The following BLTP3B variants were observed in gnomAD, a reference collection of about 807,000 sequenced individuals.
BLTP3B encodes bridge-like lipid transfer protein family member 3B, also known as UHRF1 (ICBP90) binding protein 1-like.
At chr12:100,102,175 T>A in the BLTP3B span, among the ~76,000 whole-genome samples, 2 of 141,858 alleles carry the variant, frequency 1.4e-5, no homozygotes, top group Middle Eastern at 4.3e-3. Context: ...AATGGCGCGA[T>A]CTTGGCTCAC....
At chr12:100,094,003 C>A in the BLTP3B span, among the ~76,000 whole-genome samples, 2 of 152,144 alleles carry the variant, frequency 1.3e-5, no homozygotes, top group Non-Finnish European at 2.9e-5. Flanking sequence ...CTTTCCACAC[C>A]CTGCAAGCAA....
At chr12:100,039,477 C>T in the BLTP3B span, 29 of 1,073,420 alleles carry the variant, frequency 2.7e-5, no homozygotes, top group Non-Finnish European at 3.7e-5. Flanking sequence ...AGCACCTGGG[C>T]ACAATAACAA....
chr12:100,071,991 C>T, the BLTP3B span, among the ~76,000 whole-genome samples: 94 of 152,288 alleles, frequency 6.2e-4, no homozygotes, highest in African/African-American at 2.0e-3. Flanking sequence ...CTGGACATGG[C>T]GGCTCATGCC....
chr12:100,111,132 A>G, the BLTP3B span, among the ~76,000 whole-genome samples: 1 of 152,186 alleles, frequency 6.6e-6, no homozygotes, highest in South Asian at 2.1e-4. Context: ...CATATCAAGT[A>G]ATATATGTTG....
At chr12:100,075,653 A>C in the BLTP3B span, among the ~76,000 whole-genome samples, 2 of 152,142 alleles carry the variant, frequency 1.3e-5, no homozygotes, top group Non-Finnish European at 2.9e-5. Context: ...AAAACCAAAC[A>C]CCATTAAAAA....
chr12:100,111,225 TA>T, the BLTP3B span, among the ~76,000 whole-genome samples: 3 of 151,038 alleles, frequency 2.0e-5, no homozygotes, highest in Non-Finnish European at 4.4e-5. Context: ...TTCAAGTATG[TA>T]AAAAATGCAT....
At chr12:100,068,546 T>C in the BLTP3B span, among the ~76,000 whole-genome samples, 2 of 151,962 alleles carry the variant, frequency 1.3e-5, no homozygotes, top group African/African-American at 4.8e-5. Flanking sequence ...GTTAGAAGAG[T>C]AAACAGACAA....
chr12:100,045,626 G>A, the BLTP3B span, among the ~76,000 whole-genome samples: 166 of 152,138 alleles, frequency 1.1e-3, 1 homozygote, highest in African/African-American at 3.8e-3. Flanking sequence ...ATAAAAACCC[G>A]ATTAGAAAAC....
chr12:100,039,814 G>C, the BLTP3B span: 104 of 1,578,142 alleles, frequency 6.6e-5, 1 homozygote, highest in African/African-American at 1.2e-3. Context: ...AACATGCTCA[G>C]ATAACATTTC....
At chr12:100,105,491 T>C in the BLTP3B span, among the ~76,000 whole-genome samples, 1 of 152,164 alleles carries the variant, frequency 6.6e-6, no homozygotes, top group Non-Finnish European at 1.5e-5. Context: ...TAGCCACATG[T>C]AGAAGAATGA....
At chr12:100,068,837 A>T in the BLTP3B span, among the ~76,000 whole-genome samples, 1 of 152,202 alleles carries the variant, frequency 6.6e-6, no homozygotes, top group Non-Finnish European at 1.5e-5. Flanking sequence ...TAATCAAAAA[A>T]TAGTACATGT....
At chr12:100,110,452 C>T in the BLTP3B span, among the ~76,000 whole-genome samples, 1 of 151,998 alleles carries the variant, frequency 6.6e-6, no homozygotes, top group Non-Finnish European at 1.5e-5. Flanking sequence ...AACAAAAAAC[C>T]CTGCCACTTC....
At chr12:100,109,165 T>C in the BLTP3B span, among the ~76,000 whole-genome samples, 1 of 42,624 alleles carries the variant, frequency 2.3e-5, no homozygotes, top group Admixed American at 2.5e-4. Context: ...TTTTCCTCTC[T>C]CTCTCTCTCT....
chr12:100,130,979 G>A, the BLTP3B span, among the ~76,000 whole-genome samples: 1 of 66,420 alleles, frequency 1.5e-5, no homozygotes, highest in Non-Finnish European at 2.6e-5. Context: ...GAGAGAGAGG[G>A]AGGGAGAGAG....
At chr12:100,083,062 A>G in the BLTP3B span, 123 of 1,613,888 alleles carry the variant, frequency 7.6e-5, no homozygotes, top group Non-Finnish European at 9.6e-5. Context: ...AGAACTAGAC[A>G]TTAGCTTAGC....
chr12:100,095,750 T>C, the BLTP3B span: 34 of 1,613,664 alleles, frequency 2.1e-5, no homozygotes, highest in Non-Finnish European at 2.5e-5. Context: ...TATTGTACCA[T>C]AGCTTTCAAC....
the BLTP3B span, chr12:100,048,127 G>A: frequency 6.2e-7 from 1 of 1,611,052 alleles, no homozygotes; most frequent in Non-Finnish European, 8.5e-7. Flanking sequence ...TACAGCACCA[G>A]GCCCACTTTC....
At chr12:100,137,042 C>T in the BLTP3B span, among the ~76,000 whole-genome samples, 1 of 152,182 alleles carries the variant, frequency 6.6e-6, no homozygotes, top group Admixed American at 6.5e-5. Flanking sequence ...AACTCCCGAC[C>T]TCAGGTGATC....
chr12:100,062,694 T>C, the BLTP3B span, among the ~76,000 whole-genome samples: 3 of 152,162 alleles, frequency 2.0e-5, no homozygotes, highest in Admixed American at 2.0e-4. Flanking sequence ...GGGAGTGTTG[T>C]CTCATGTCTG....
Sources: gnomAD v4.1 joint callset for allele counts (sites outside exome capture counted in the v4.1 genomes callset) on GRCh38, gnomAD v4.1.1 for gene constraint, MANE v1.5 for transcripts, NCBI Gene and HGNC (gene_info 2026-07-23, HGNC 2026-07-21) for gene names.